The following PEX5L variants were observed in gnomAD, a reference collection of about 807,000 sequenced individuals.
The protein encoded by PEX5L is PEX5-related protein.
In PEX5L, 30 loss-of-function variants were observed where a neutral mutation model predicts 84.0. The ratio of observed to expected loss-of-function variants is 0.36; its 90% confidence interval spans 0.27 to 0.48. The LOEUF (loss-of-function observed/expected upper bound fraction) is 0.48. PEX5L is among the 20% of genes least tolerant of loss of function. The probability of loss-of-function intolerance (pLI) is 0.99; values close to 1 mark genes in which losing one functional copy is unlikely to be tolerated. For missense variants in PEX5L, 533 were observed against 754.6 expected (o/e 0.71, Z 3.44); for synonymous variants, 270 against 283.1 (o/e 0.95, Z 0.46).
chr3:179,927,120 T>G (rs1771684853), intron 2 of PEX5L, among the ~76,000 whole-genome samples: 1 of 152,256 alleles, frequency 6.6e-6, no homozygotes, highest in Non-Finnish European at 1.5e-5. Flanking sequence ...ACTGAGCATG[T>G]AGTATGTCCT....
At chr3:179,831,591 G>A (rs192472996) in intron 8 of PEX5L, among the ~76,000 whole-genome samples, 49 of 152,232 alleles carry the variant, frequency 3.2e-4, no homozygotes, top group South Asian at 1.5e-3. Flanking sequence ...CAATTTGCTG[G>A]GGCATAGACA....
At chr3:179,903,158 T>C (rs1382092589) in intron 2 of PEX5L, among the ~76,000 whole-genome samples, 3 of 152,192 alleles carry the variant, frequency 2.0e-5, no homozygotes, top group African/African-American at 4.8e-5. Context: ...AGTATGAATA[T>C]ATTGAATATA....
At chr3:179,998,526 G>A (rs903278010) in intron 1 of PEX5L, among the ~76,000 whole-genome samples, 1 of 152,170 alleles carries the variant, frequency 6.6e-6, no homozygotes, top group East Asian at 1.9e-4. Flanking sequence ...TTTGGAGCAA[G>A]GCCCTGCCAT....
At chr3:179,966,442 T>C (rs1215283209) in intron 2 of PEX5L, among the ~76,000 whole-genome samples, 1 of 152,148 alleles carries the variant, frequency 6.6e-6, no homozygotes, top group African/African-American at 2.4e-5. Context: ...CAAGAAAGCA[T>C]TGGCCAGATG....
intron 1 of PEX5L, among the ~76,000 whole-genome samples, chr3:179,984,130 T>C (rs1302663979): frequency 1.3e-5 from 2 of 152,132 alleles, no homozygotes; most frequent in Non-Finnish European, 2.9e-5. Flanking sequence ...TGGTGTAGTA[T>C]GAAAGAATAT....
At chr3:179,905,645 T>G (rs181458118) in intron 2 of PEX5L, among the ~76,000 whole-genome samples, 85 of 148,968 alleles carry the variant, frequency 5.7e-4, no homozygotes, top group African/African-American at 2.1e-3. Flanking sequence ...TCCAAAGAAG[T>G]TCTTGCCATT....
chr3:179,835,413 G>A (rs1385578625), intron 8 of PEX5L, among the ~76,000 whole-genome samples: 27 of 151,992 alleles, frequency 1.8e-4, no homozygotes, highest in Admixed American at 1.8e-3. Context: ...AATGTTCACA[G>A]AGATGTGAGA....
chr3:179,877,736 A>C (rs1577954925), intron 5 of PEX5L, among the ~76,000 whole-genome samples: 2 of 152,190 alleles, frequency 1.3e-5, no homozygotes, highest in Non-Finnish European at 2.9e-5. Context: ...GGGATTACAG[A>C]TATGAGCCAC....
At chr3:179,852,397 C>G (rs1742266529) in intron 8 of PEX5L, among the ~76,000 whole-genome samples, 1 of 152,204 alleles carries the variant, frequency 6.6e-6, no homozygotes. Flanking sequence ...AAGTCACACA[C>G]CATGACTTCC....
At chr3:179,848,330 C>T (rs1410417653) in intron 8 of PEX5L, among the ~76,000 whole-genome samples, 1 of 151,996 alleles carries the variant, frequency 6.6e-6, no homozygotes, top group Non-Finnish European at 1.5e-5. Context: ...GTGGGCAGAT[C>T]ACTTGAGCTC....
intron 2 of PEX5L, among the ~76,000 whole-genome samples, chr3:179,903,898 C>T (rs769087619): frequency 1.3e-5 from 2 of 152,204 alleles, no homozygotes; most frequent in Non-Finnish European, 2.9e-5. Flanking sequence ...TTTTGACATA[C>T]TGGTCAATCC....
chr3:179,878,306 C>T (rs1577961974), intron 5 of PEX5L, among the ~76,000 whole-genome samples: 2 of 152,190 alleles, frequency 1.3e-5, no homozygotes, highest in African/African-American at 4.8e-5. Flanking sequence ...TCATTATCCC[C>T]CTTGTCACTA....
intron 12 of PEX5L, 83 bp downstream of exon 12, chr3:179,809,386 GGT>G (rs1038863109): frequency 2.1e-6 from 2 of 954,296 alleles, no homozygotes; most frequent in Non-Finnish European, 3.4e-6. Context: ...TGGTGTCTAG[GGT>G]GTGAGGCTCA....
intron 1 of PEX5L, among the ~76,000 whole-genome samples, chr3:179,982,800 G>T (rs1786453333): frequency 6.6e-6 from 1 of 152,110 alleles, no homozygotes; most frequent in Non-Finnish European, 1.5e-5. Context: ...GGGTAGGTGA[G>T]TGTGGGGATT....
intron 1 of PEX5L, among the ~76,000 whole-genome samples, chr3:180,034,420 C>T (rs1261902677): frequency 6.6e-6 from 1 of 151,394 alleles, no homozygotes; most frequent in Non-Finnish European, 1.5e-5. Context: ...TGATTAGAGT[C>T]AGGTACACAC....
intron 1 of PEX5L, among the ~76,000 whole-genome samples, chr3:179,992,493 T>C (rs1579262063): frequency 6.6e-6 from 1 of 152,206 alleles, no homozygotes; most frequent in South Asian, 2.1e-4. Context: ...GCATGGTAGG[T>C]GCTCACAAAT....
intron 8 of PEX5L, among the ~76,000 whole-genome samples, chr3:179,830,268 T>G (rs36120404): frequency 0.1 from 15,642 of 149,500 alleles, 1,152 homozygotes; most frequent in Non-Finnish European, 0.16. Flanking sequence ...TGCCCTGATA[T>G]TCTGATTTCC....
In PEX5L at chr3:180,024,369, T is replaced by C. The variant is rs142480465; in HGVS notation, c.21+12210A>G. ...CTAAATATATATATATATATATATA[T>C]ATATACACACACAAAAAAAAAAAAA... On this transcript the variant is annotated intron_variant, in intron 1 of 14. Transcript: ENST00000467460. 1.2e-3 allele frequency among the ~76,000 whole-genome samples: 106 copies of C among 90,358 alleles called. 2 individuals are homozygous for C. The highest frequency in any genetic ancestry group is 2.6e-3 in the African/African-American group (31 of 11,984). The allele number at this position is 90,358 out of a possible 152,430, so 59.3% of individuals were successfully genotyped here.
intron 8 of PEX5L, among the ~76,000 whole-genome samples, chr3:179,849,655 GAA>G (rs2108436179): frequency 6.6e-6 from 1 of 152,328 alleles, no homozygotes; most frequent in South Asian, 2.1e-4. Flanking sequence ...TCTTTGAAGA[GAA>G]AAGAGTAAAA....
Sources: gnomAD v4.1 joint callset for allele counts (sites outside exome capture counted in the v4.1 genomes callset) on GRCh38, gnomAD v4.1.1 for gene constraint, MANE v1.5 for transcripts, NCBI Gene and HGNC (gene_info 2026-07-23, HGNC 2026-07-21) for gene names.